Variants in TSPAN18 observed in about 807,000 individuals in gnomAD.
TSPAN18 encodes the protein tetraspanin-18.
TSPAN18 carries 14 observed loss-of-function variants against 27.3 expected under a neutral mutation model. The observed-to-expected ratio is 0.51, with a 90% CI of 0.34 to 0.80. TSPAN18 has a LOEUF of 0.80. TSPAN18 is among the 30% of genes least tolerant of loss of function. The pLI is 0.01. For missense variants in TSPAN18, 268 were observed against 323.9 expected (o/e 0.83, Z 1.32); for synonymous variants, 143 against 136.5 (o/e 1.05, Z -0.33).
At chr11:44,894,877 C>T (rs1317263727) in intron 3 of TSPAN18, among the ~76,000 whole-genome samples, 1 of 152,206 alleles carries the variant, frequency 6.6e-6, no homozygotes, top group Non-Finnish European at 1.5e-5. Context: ...TGGTGCCACA[C>T]CCCACGGATA....
intron 3 of TSPAN18, among the ~76,000 whole-genome samples, chr11:44,865,315 C>T (rs1412730628): frequency 6.6e-6 from 1 of 152,110 alleles, no homozygotes; most frequent in Non-Finnish European, 1.5e-5. Flanking sequence ...CTAATGGCAT[C>T]ATAGGGCTGC....
chr11:44,730,520 C>T (rs1470054341), intron 1 of TSPAN18, among the ~76,000 whole-genome samples: 1 of 152,064 alleles, frequency 6.6e-6, no homozygotes. Context: ...CCACCTGATG[C>T]CATTGAGCAA....
chr11:44,731,627 T>TGAGAGAGAGAGA lies in TSPAN18; in HGVS notation c.-240+4341_-240+4342insAGAGAGAGAGAG, dbSNP rs1251803223. Reference sequence around the variant, plus strand: ...GTGTGTGTGTGTGTGTGTGTGTGTGTGTGTGTGAGAGAGAGAGAGAGAGAG... The same window carrying TGAGAGAGAGAGA: ...GTGTGTGTGTGTGTGTGTGTGTGTGTGAGAGAGAGAGAGTGTGTGAGAGAGAGAGAGAGAGAG... On this transcript the variant is annotated intron_variant, in intron 1 of 9. Coordinates refer to ENST00000520358, the MANE Select transcript of TSPAN18 (RefSeq NM_130783.5). 3.5e-5 allele frequency among the ~76,000 whole-genome samples: 3 copies of TGAGAGAGAGAGA among 84,576 alleles called. 1 individual carries two copies. Among genetic ancestry groups the TGAGAGAGAGAGA allele is most frequent in the African/African-American group, 1.2e-4 (3 of 25,688 alleles). The allele number at this position is 84,576 out of a possible 152,430, so 55.5% of individuals were successfully genotyped here.
At chr11:44,744,962 T>C (rs1855036934) in intron 1 of TSPAN18, among the ~76,000 whole-genome samples, 1 of 152,118 alleles carries the variant, frequency 6.6e-6, no homozygotes, top group Admixed American at 6.6e-5. Flanking sequence ...CCAAGATCAA[T>C]TATTGACGTC....
In TSPAN18 at chr11:44,811,174, A is replaced by ACACACC. The variant is rs942657687; in HGVS notation, c.-153+46663_-153+46664insACACCC. On this transcript the variant is annotated intron_variant, in intron 2 of 9. Coordinates refer to ENST00000520358, the MANE Select transcript of TSPAN18 (RefSeq NM_130783.5). ...CACACACACACACACACACACACAC[A>ACACACC]CCCCTGCCTGTGCCTTCTCATACTG... Among the ~76,000 whole-genome samples the ACACACC allele has an allele frequency of 8.7e-5, 11 of 125,988 alleles. 1 individual carries two copies. Among genetic ancestry groups the ACACACC allele is most frequent in the African/African-American group, 8.6e-5 (3 of 34,998 alleles). The allele number at this position is 125,988 out of a possible 152,430, so 82.7% of individuals were successfully genotyped here. A position where few individuals can be genotyped will look rare whatever the true frequency, so the allele number is the denominator to read the frequency against.
chr11:44,922,862 A>G (rs1052024532), intron 8 of TSPAN18, among the ~76,000 whole-genome samples: 11 of 152,146 alleles, frequency 7.2e-5, no homozygotes, highest in African/African-American at 2.7e-4. Context: ...TAATCCCAAC[A>G]CTTTGGGAGG....
At chr11:44,783,006 T>C (rs1855974396) in intron 2 of TSPAN18, among the ~76,000 whole-genome samples, 1 of 152,088 alleles carries the variant, frequency 6.6e-6, no homozygotes, top group Non-Finnish European at 1.5e-5. Context: ...TTTTTGTATT[T>C]TTAGTAGAGA....
At chr11:44,924,385 A>T (rs1860267956) in intron 8 of TSPAN18, among the ~76,000 whole-genome samples, 1 of 152,142 alleles carries the variant, frequency 6.6e-6, no homozygotes, top group Admixed American at 6.5e-5. Context: ...AGGGAGAGGA[A>T]GTAAATAGCC....
intron 2 of TSPAN18, among the ~76,000 whole-genome samples, chr11:44,833,291 A>G (rs964889379): frequency 1.3e-5 from 2 of 152,160 alleles, no homozygotes; most frequent in Non-Finnish European, 2.9e-5. Flanking sequence ...TCATCTGTAA[A>G]GAGGAATAAT....
At chr11:44,812,129 C>T (rs990403003) in intron 2 of TSPAN18, among the ~76,000 whole-genome samples, 1 of 152,230 alleles carries the variant, frequency 6.6e-6, no homozygotes, top group South Asian at 2.1e-4. Flanking sequence ...GGGCATCCTC[C>T]GTCCTGTACA....
intron 1 of TSPAN18, among the ~76,000 whole-genome samples, chr11:44,761,275 T>C (rs1332728920): frequency 6.6e-6 from 1 of 152,168 alleles, no homozygotes; most frequent in Admixed American, 6.5e-5. Flanking sequence ...AGGCTTACAC[T>C]CTGCCACTTG....
chr11:44,779,530 A>G (rs933215946), intron 2 of TSPAN18, among the ~76,000 whole-genome samples: 2 of 152,122 alleles, frequency 1.3e-5, no homozygotes, highest in Non-Finnish European at 2.9e-5. Context: ...AAATTCATCA[A>G]TCTCATGGAG....
intron 2 of TSPAN18, among the ~76,000 whole-genome samples, chr11:44,777,002 T>C (rs1019883482): frequency 7.9e-5 from 12 of 152,342 alleles, no homozygotes; most frequent in African/African-American, 2.4e-4. Flanking sequence ...CTGCACTGTC[T>C]GGCACTTTAC....
At chr11:44,853,631 G>A (rs1857657142) in intron 2 of TSPAN18, among the ~76,000 whole-genome samples, 1 of 152,196 alleles carries the variant, frequency 6.6e-6, no homozygotes, top group African/African-American at 2.4e-5. Context: ...ATAACTGGTA[G>A]AGCCAGGATT....
chr11:44,920,816 C>T (rs906819297), intron 8 of TSPAN18, among the ~76,000 whole-genome samples: 24 of 152,154 alleles, frequency 1.6e-4, no homozygotes, highest in Admixed American at 6.5e-5. Flanking sequence ...GAGACAAGGC[C>T]CCTGTTCCTG....
intron 2 of TSPAN18, among the ~76,000 whole-genome samples, chr11:44,809,625 TTGGAGTGTGTATCTCAAGAGGTGTG>T (rs6144331): frequency 0.13 from 19,687 of 152,152 alleles, 1,682 homozygotes; most frequent in Non-Finnish European, 0.19. Context: ...GGGTGGGTGC[TTGGAGTGTGTATCTCAAGAGGTGTG>T]ATAGCTCTTC....
chr11:44,782,132 T>C (rs1197505893), intron 2 of TSPAN18, among the ~76,000 whole-genome samples: 1 of 152,242 alleles, frequency 6.6e-6, no homozygotes, highest in Non-Finnish European at 1.5e-5. Flanking sequence ...GGCTACTACA[T>C]AATCAAGCTG....
Position 44,804,875 on chromosome 11 carries a change from G to A in TSPAN18, c.-153+40363G>A, listed in dbSNP as rs530855474. 4.6e-5 allele frequency among the ~76,000 whole-genome samples: 7 copies of A among 152,334 alleles called. No homozygotes were observed. In the South Asian group the frequency reaches 1.2e-3, roughly 27 times the overall value. On this transcript the variant is annotated intron_variant, in intron 2 of 9. Coordinates refer to ENST00000520358, the MANE Select transcript of TSPAN18 (RefSeq NM_130783.5). ...CACTTCCCACCCCATTATGAGTTCC[G>A]ACGGAGGTAGAGCCAGAAAAACAGA...
intron 2 of TSPAN18, among the ~76,000 whole-genome samples, chr11:44,835,429 C>T (rs1269205191): frequency 6.6e-6 from 1 of 152,206 alleles, no homozygotes; most frequent in African/African-American, 2.4e-5. Context: ...GAATTTCAAG[C>T]TGAGATCTTC....
Sources: gnomAD v4.1 joint callset for allele counts (sites outside exome capture counted in the v4.1 genomes callset) on GRCh38, gnomAD v4.1.1 for gene constraint, MANE v1.5 for transcripts, NCBI Gene and HGNC (gene_info 2026-07-23, HGNC 2026-07-21) for gene names.